Variants in NAV1 observed in about 807,000 individuals in gnomAD.
NAV1 encodes neuron navigator 1, also known as pore membrane and/or filament interacting like protein 3.
NAV1 carries 18 observed loss-of-function variants against 175.2 expected under a neutral mutation model. That is an observed-to-expected ratio of 0.10 (90% confidence interval 0.07 to 0.15). The LOEUF (loss-of-function observed/expected upper bound fraction) is 0.15, where lower values mean the gene tolerates loss of function less well. NAV1 is among the 10% of genes least tolerant of loss of function. The probability of loss-of-function intolerance (pLI) is 1.00; values close to 1 mark genes in which losing one functional copy is unlikely to be tolerated. For synonymous variants in NAV1, 897 were observed against 978.7 expected, an observed-to-expected ratio of 0.92 and a Z score of 1.56; for missense variants, 1,731 against 2,436.6, an observed-to-expected ratio of 0.71 and a Z score of 6.10.
At chr1:201,733,054 G>C (rs1672933506) in intron 3 of NAV1, among the ~76,000 whole-genome samples, 1 of 151,892 alleles carries the variant, frequency 6.6e-6, no homozygotes, top group Admixed American at 6.6e-5. Flanking sequence ...CTGGGCAACA[G>C]AGCGAGACTC....
intron 1 of NAV1, among the ~76,000 whole-genome samples, chr1:201,708,079 A>G (rs547348481): frequency 4.6e-5 from 7 of 152,066 alleles, no homozygotes; most frequent in African/African-American, 1.7e-4. Context: ...TTTGATTGCT[A>G]GTCCTTTCCC....
chr1:201,813,064 C>T lies in NAV1; in HGVS notation c.5222-76C>T. On this transcript the variant is annotated intron_variant, in intron 27 of 29. Transcript: ENST00000367296. This position sits in a 1 kb window ranked among gnomAD's most constrained non-coding sequence, Gnocchi z 4.2. ...GACTGTCAGACCCCTCTGCCTGGTA[C>T]TAAGGAGTAAAAGAGGCACACAACC... The T allele has an allele frequency of 2.8e-6, 3 of 1,065,344 alleles. No homozygotes were observed. Among genetic ancestry groups the T allele is most frequent in the Non-Finnish European group, 4.3e-6 (3 of 695,512 alleles). The allele number at this position is 1,065,344 out of a possible 1,614,324, so 66.0% of individuals were successfully genotyped here.
At chr1:201,692,041 C>T (rs1670968725) in intron 1 of NAV1, among the ~76,000 whole-genome samples, 1 of 152,196 alleles carries the variant, frequency 6.6e-6, no homozygotes, top group Admixed American at 6.5e-5. Context: ...TATCTCTTTT[C>T]CCTTTACCCT....
chr1:201,798,693 CTCTTTT>C (rs1677625440), intron 15 of NAV1: 1 of 104,510 alleles, frequency 9.6e-6, no homozygotes, highest in Non-Finnish European at 1.8e-5. Context: ...CATTTTCTCT[CTCTTTT>C]TTTTTTTTTT....
intron 1 of NAV1, among the ~76,000 whole-genome samples, chr1:201,709,993 G>A (rs1370723574): frequency 1.3e-5 from 2 of 152,250 alleles, no homozygotes; most frequent in East Asian, 1.9e-4. Context: ...CTCTGCTGAT[G>A]TGGAATTGAG....
At chr1:201,581,982 G>A (rs941965027) in intron 1 of NAV1, among the ~76,000 whole-genome samples, 3 of 152,214 alleles carry the variant, frequency 2.0e-5, no homozygotes. Flanking sequence ...TGTAGTCCCA[G>A]CTACTCGAGA....
At chr1:201,773,523 C>G (rs1675728891) in intron 3 of NAV1, among the ~76,000 whole-genome samples, 1 of 152,154 alleles carries the variant, frequency 6.6e-6, no homozygotes, top group Admixed American at 6.6e-5. Context: ...GGACATTAGG[C>G]TCTGAACCAG....
chr1:201,593,306 C>T (rs113103817), intron 2 of NAV1, among the ~76,000 whole-genome samples: 66 of 152,318 alleles, frequency 4.3e-4, no homozygotes, highest in African/African-American at 1.6e-3. Context: ...TACTTGGGTC[C>T]TCGGGCCTCA....
intron 1 of NAV1, among the ~76,000 whole-genome samples, chr1:201,682,902 G>T (rs985972085): frequency 6.6e-6 from 1 of 152,158 alleles, no homozygotes; most frequent in African/African-American, 2.4e-5. Flanking sequence ...ACAGAGGGTT[G>T]ACATACCCCA....
chr1:201,747,467 A>G lies in NAV1; in HGVS notation c.1226+28712A>G, dbSNP rs981421036. Among the ~76,000 whole-genome samples the G allele has an allele frequency of 4.6e-5, 7 of 152,358 alleles. No homozygotes were observed. The South Asian group carries it at 1.4e-3, about 32-fold the overall frequency. On this transcript the variant is annotated intron_variant, in intron 3 of 29. Coordinates refer to ENST00000367296, the Ensembl canonical transcript of NAV1. ...TGGAATTGTGGCTCAAAGGCCCTGA[A>G]GGAGAACACATACTTGGGATTTATT... is the stretch of plus-strand genomic sequence containing the variant.
intron 1 of NAV1, among the ~76,000 whole-genome samples, chr1:201,663,410 A>T (rs1364803770): frequency 1.3e-5 from 2 of 152,078 alleles, no homozygotes; most frequent in African/African-American, 4.8e-5. Context: ...GATCAAGGTG[A>T]AAACTGGCCA....
intron 1 of NAV1, among the ~76,000 whole-genome samples, chr1:201,658,254 G>T (rs1037658133): frequency 1.3e-5 from 2 of 152,130 alleles, no homozygotes; most frequent in South Asian, 2.1e-4. Flanking sequence ...GTTCTGAAAG[G>T]CTGGATGAGG....
chr1:201,588,430 C>T (rs528577233), intron 1 of NAV1, among the ~76,000 whole-genome samples, 109 bp from the exon 2 acceptor site: 16 of 152,286 alleles, frequency 1.1e-4, no homozygotes, highest in Non-Finnish European at 1.9e-4. Context: ...TCACTGCAGC[C>T]TCAAACTCCT....
At chr1:201,623,735 A>T in intron 1 of NAV1, 129 bp downstream of exon 3, 1 of 915,426 alleles carries the variant, frequency 1.1e-6, no homozygotes, top group Non-Finnish European at 1.3e-6. Context: ...GCGATACAAA[A>T]AGAAGTTAGG....
chr1:201,682,084 C>T (rs1458310048), intron 1 of NAV1, among the ~76,000 whole-genome samples: 2 of 147,392 alleles, frequency 1.4e-5, no homozygotes, highest in African/African-American at 5.1e-5. Flanking sequence ...CCACTGCACT[C>T]CAGCCTGGGT....
At chr1:201,793,571 A>T (rs963145734) in intron 13 of NAV1, 1 of 520,614 alleles carries the variant, frequency 1.9e-6, no homozygotes, top group Non-Finnish European at 3.5e-6. Flanking sequence ...CCTACCCTCA[A>T]CCTGGCTTCA....
intron 3 of NAV1, among the ~76,000 whole-genome samples, chr1:201,748,048 C>T (rs1024706583): frequency 1.3e-5 from 2 of 152,190 alleles, no homozygotes; most frequent in Admixed American, 1.3e-4. Flanking sequence ...ATTGTAGTTG[C>T]CTTTCCCTGG....
intron 3 of NAV1, among the ~76,000 whole-genome samples, chr1:201,736,361 T>C (rs1166271696): frequency 1.3e-5 from 2 of 152,196 alleles, no homozygotes; most frequent in African/African-American, 4.8e-5. Context: ...CACTGGAATT[T>C]AGAGCACACC....
intron 3 of NAV1, among the ~76,000 whole-genome samples, chr1:201,733,994 G>C (rs1011482695): frequency 1.8e-4 from 27 of 152,194 alleles, no homozygotes; most frequent in Non-Finnish European, 2.5e-4. Flanking sequence ...GCAGACCACA[G>C]GGACACCAGG....
Sources: allele counts gnomAD v4.1 joint callset (sites outside exome capture counted in the v4.1 genomes callset), GRCh38; gene constraint gnomAD v4.1.1; non-coding constraint Gnocchi (gnomAD v3.1); transcripts MANE v1.5; gene names NCBI Gene and HGNC (gene_info 2026-07-23, HGNC 2026-07-21).